ADCY8: variants seen among roughly 807,000 people sequenced by gnomAD.
ADCY8 encodes the protein adenylate cyclase 8.
In ADCY8, 51 loss-of-function variants were observed where a neutral mutation model predicts 119.7. That is an observed-to-expected ratio of 0.43 (90% CI 0.34 to 0.54). The LOEUF (loss-of-function observed/expected upper bound fraction) is 0.54. Ranked by LOEUF, ADCY8 falls within the 20% of genes least tolerant of loss-of-function variation. The probability of loss-of-function intolerance (pLI) is 0.03; values close to 1 mark genes in which losing one functional copy is unlikely to be tolerated. For missense variants in ADCY8, 1,383 were observed against 1,598.8 expected (o/e 0.87, Z 2.30); for synonymous variants, 665 against 651.0 (o/e 1.02, Z -0.33).
At chr8:130,952,745 G>T (rs1453928401) in intron 2 of ADCY8, among the ~76,000 whole-genome samples, 1 of 152,200 alleles carries the variant, frequency 6.6e-6, no homozygotes, top group Admixed American at 6.5e-5. Flanking sequence ...GGTGGGGGAA[G>T]CTCCTGGAGT....
chr8:131,003,206 TCACACA>T (rs1554624274), intron 1 of ADCY8, among the ~76,000 whole-genome samples: 26 of 137,580 alleles, frequency 1.9e-4, no homozygotes, highest in Middle Eastern at 3.8e-3. Context: ...TGAAACACCA[TCACACA>T]CACACACACA....
chr8:131,004,398 C>T (rs977430595), intron 1 of ADCY8, among the ~76,000 whole-genome samples: 8 of 152,220 alleles, frequency 5.3e-5, no homozygotes, highest in African/African-American at 1.9e-4. Context: ...CTGGCATGCT[C>T]TTTCTGCAGC....
At chr8:130,802,981 C>A (rs1307057223) in intron 14 of ADCY8, among the ~76,000 whole-genome samples, 2 of 152,222 alleles carry the variant, frequency 1.3e-5, no homozygotes, top group African/African-American at 4.8e-5. Context: ...CAGTCGCCCA[C>A]AGAGGTAACT....
chr8:130,852,729 C>CTT (rs961759395), intron 9 of ADCY8, among the ~76,000 whole-genome samples: 3 of 149,346 alleles, frequency 2.0e-5, no homozygotes, highest in Non-Finnish European at 3.0e-5. Flanking sequence ...TCTCTCCTGC[C>CTT]TTTTTTTTTT....
chr8:131,007,757 T>C (rs1490538866), intron 1 of ADCY8, among the ~76,000 whole-genome samples: 1 of 152,240 alleles, frequency 6.6e-6, no homozygotes, highest in Admixed American at 6.5e-5. Flanking sequence ...CAGCTATCCA[T>C]TGAACTGCAC....
At chr8:130,924,140 A>C (rs1820393643) in intron 5 of ADCY8, among the ~76,000 whole-genome samples, 1 of 152,228 alleles carries the variant, frequency 6.6e-6, no homozygotes, top group East Asian at 1.9e-4. Context: ...AGATGATTCC[A>C]GAATTGGTCC....
intron 5 of ADCY8, among the ~76,000 whole-genome samples, chr8:130,916,749 C>A (rs146634876): frequency 6.6e-6 from 1 of 152,226 alleles, no homozygotes; most frequent in Non-Finnish European, 1.5e-5. Context: ...GCAATTAATT[C>A]GGCCCATCCC....
rs115560059 is a variant in ADCY8, at chr8:130,972,019, T to C, written c.1110+18374A>G. On this transcript the variant is annotated intron_variant, in intron 2 of 17. Transcript: ENST00000286355. ...AGGTTTACAGCTCTATGAATTTTCA[T>C]AAAGTAAAACCACTCTCATAAACAG... Among the ~76,000 whole-genome samples, 713 of 152,308 alleles carry C rather than the reference T, an allele frequency of 4.7e-3. 6 individuals are homozygous for C. The highest frequency in any genetic ancestry group is 0.017 in the African/African-American group (692 of 41,568).
chr8:130,904,092 A>G (rs1409233910), intron 6 of ADCY8, 50 bp from the exon 7 acceptor site: 5 of 1,550,160 alleles, frequency 3.2e-6, no homozygotes, highest in East Asian at 2.3e-5. Context: ...TTGCCTGCAA[A>G]GGCTATATTT....
chr8:130,964,135 C>T (rs1245127448), intron 2 of ADCY8, among the ~76,000 whole-genome samples: 1 of 152,196 alleles, frequency 6.6e-6, no homozygotes, highest in African/African-American at 2.4e-5. Flanking sequence ...TCACTGAAAC[C>T]TGCATCAACC....
At chr8:130,797,182 T>TG (rs1491025173) in intron 15 of ADCY8, among the ~76,000 whole-genome samples, 1 of 152,088 alleles carries the variant, frequency 6.6e-6, no homozygotes, top group African/African-American at 2.4e-5. Flanking sequence ...TTTGAATGTG[T>TG]GGCCCAACAC....
chr8:130,967,386 A>C (rs1821793914), intron 2 of ADCY8, among the ~76,000 whole-genome samples: 1 of 152,238 alleles, frequency 6.6e-6, no homozygotes, highest in Non-Finnish European at 1.5e-5. Context: ...AATCCCAGCT[A>C]AGCTCAGCAA....
intron 2 of ADCY8, among the ~76,000 whole-genome samples, chr8:130,959,093 A>G (rs1274568295): frequency 1.3e-5 from 2 of 152,198 alleles, no homozygotes; most frequent in Non-Finnish European, 2.9e-5. Flanking sequence ...TTGTGAAGTG[A>G]GAGAGTGTAT....
At chr8:131,037,408 G>A (rs1428338815) in intron 1 of ADCY8, among the ~76,000 whole-genome samples, 3 of 152,110 alleles carry the variant, frequency 2.0e-5, no homozygotes, top group Non-Finnish European at 4.4e-5. Flanking sequence ...GATTCACTTG[G>A]CAAGAAAAAT....
chr8:130,904,008 G>T lies in ADCY8; in HGVS notation c.1675C>A (p.Leu559Ile), dbSNP rs751814502. The change falls in exon 7 of 18, where the codon CTC becomes ATC. Residue 559 changes from leucine (L) to isoleucine (I), a missense_variant. Leu to Ile is a conservative substitution (Grantham distance 5, BLOSUM62 2). Coordinates refer to ENST00000286355, the MANE Select transcript of ADCY8 (RefSeq NM_001115.3). ...IHISKATLDC[L>I]NGDYNVEEGH... ...TCTTCCACGTTATAGTCACCGTTGA[G>T]ACAGTCCAGCGTGGCTTTGGAAATG... 6.2e-7 allele frequency: 1 copy of T among 1,614,016 alleles called. No individual in the cohort carries two copies.
chr8:130,795,714 T>C (rs1815559734), intron 15 of ADCY8, among the ~76,000 whole-genome samples: 1 of 152,186 alleles, frequency 6.6e-6, no homozygotes, highest in African/African-American at 2.4e-5. Context: ...CTAAGAAACT[T>C]GGAAAATTCC....
At chr8:130,938,706 G>T (rs1015932252) in intron 4 of ADCY8, among the ~76,000 whole-genome samples, 1 of 152,180 alleles carries the variant, frequency 6.6e-6, no homozygotes, top group Non-Finnish European at 1.5e-5. Flanking sequence ...ATATTAGACA[G>T]GGAAAAGAGA....
At chr8:131,023,122 C>G (rs1823724637) in intron 1 of ADCY8, among the ~76,000 whole-genome samples, 1 of 152,104 alleles carries the variant, frequency 6.6e-6, no homozygotes, top group African/African-American at 2.4e-5. Context: ...CAATATTATG[C>G]AGGAATACCA....
chr8:130,916,836 T>C lies in ADCY8; in HGVS notation c.1482-6970A>G, dbSNP rs141378052. On this transcript the variant is annotated intron_variant, in intron 5 of 17. Coordinates refer to ENST00000286355, the MANE Select transcript of ADCY8 (RefSeq NM_001115.3). Reference sequence around the variant, plus strand: ...TGCTAATGATTGCTGTTAATAAATATGTGGGTAAATCTCTGTTCGGGGCTC... The same window carrying C: ...TGCTAATGATTGCTGTTAATAAATACGTGGGTAAATCTCTGTTCGGGGCTC... 1.9e-4 allele frequency among the ~76,000 whole-genome samples: 29 copies of C among 152,376 alleles called. No individual in the cohort carries two copies. The East Asian group carries it at 5.0e-3, about 26-fold the overall frequency.
Sources: gnomAD v4.1 joint callset for allele counts (sites outside exome capture counted in the v4.1 genomes callset) on GRCh38, gnomAD v4.1.1 for gene constraint, MANE v1.5 for transcripts, NCBI Gene and HGNC (gene_info 2026-07-23, HGNC 2026-07-21) for gene names.